NTM: variants seen among roughly 807,000 people sequenced by gnomAD.
NTM encodes IgLON family member 2.
NTM carries 13 observed loss-of-function variants against 42.1 expected under a neutral mutation model. That is an observed-to-expected ratio of 0.31 (90% CI 0.20 to 0.49). The LOEUF (loss-of-function observed/expected upper bound fraction) is 0.49. Among genes scored for constraint, NTM ranks in the 20% least tolerant of loss-of-function variants. The pLI is 0.99. For missense variants in NTM, 373 were observed against 452.8 expected, an observed-to-expected ratio of 0.82 and a Z score of 1.60; for synonymous variants, 187 against 179.2, an observed-to-expected ratio of 1.04 and a Z score of -0.35.
At chr11:131,495,218 AG>A (rs1955212106) in intron 1 of NTM, among the ~76,000 whole-genome samples, 1 of 152,168 alleles carries the variant, frequency 6.6e-6, no homozygotes, top group African/African-American at 2.4e-5. Context: ...GCATGGTCCC[AG>A]GGGACAGCCA....
At chr11:131,793,715 A>G (rs2091229736) in intron 1 of NTM, among the ~76,000 whole-genome samples, 3 of 151,986 alleles carry the variant, frequency 2.0e-5, no homozygotes, top group Admixed American at 2.0e-4. Flanking sequence ...CCACCCTATT[A>G]TTTTCAAAAA....
intron 1 of NTM, among the ~76,000 whole-genome samples, chr11:131,742,186 C>T (rs1005349064): frequency 9.9e-5 from 15 of 152,092 alleles, no homozygotes; most frequent in African/African-American, 3.1e-4. Flanking sequence ...ACAAGTTTAC[C>T]TATGTAACAG....
Position 132,247,133 on chromosome 11 carries a change from C to G in NTM, c.526+34986C>G, listed in dbSNP as rs559043806. ...AGTGTGGCCCCTCCTCCTGGGCTCC[C>G]CATGAACTTGACATGCACACATCTC... is the stretch of plus-strand genomic sequence containing the variant. On this transcript the variant is annotated intron_variant, in intron 4 of 8. Transcript: ENST00000683400. Among the ~76,000 whole-genome samples the G allele has an allele frequency of 3.9e-5, 6 of 152,320 alleles. No individual in the cohort carries two copies. The East Asian group carries it at 1.2e-3, about 30-fold the overall frequency.
intron 2 of NTM, among the ~76,000 whole-genome samples, chr11:131,923,439 A>G (rs2057505729): frequency 6.6e-6 from 1 of 152,130 alleles, no homozygotes; most frequent in Admixed American, 6.5e-5. Flanking sequence ...TTGGCATGGG[A>G]TTGGGTGTTA....
At chr11:132,271,802 C>CA (rs2093493791) in intron 4 of NTM, among the ~76,000 whole-genome samples, 5 of 149,988 alleles carry the variant, frequency 3.3e-5, no homozygotes, top group African/African-American at 1.2e-4. Flanking sequence ...AATTCCTAAT[C>CA]AGATATATGA....
intron 2 of NTM, among the ~76,000 whole-genome samples, chr11:131,991,310 T>C (rs1179911333): frequency 6.6e-6 from 1 of 152,210 alleles, no homozygotes; most frequent in Non-Finnish European, 1.5e-5. Flanking sequence ...AGTTCCACAA[T>C]AAGAGAGTCT....
At chr11:131,709,668 C>T (rs888066876) in intron 1 of NTM, among the ~76,000 whole-genome samples, 7 of 152,274 alleles carry the variant, frequency 4.6e-5, no homozygotes, top group South Asian at 2.1e-4. Context: ...GTTGACTAGA[C>T]AGTTGCAGCT....
chr11:131,757,263 A>C (rs1336223645), intron 1 of NTM, among the ~76,000 whole-genome samples: 1 of 152,186 alleles, frequency 6.6e-6, no homozygotes, highest in Non-Finnish European at 1.5e-5. Context: ...CTTAGGCCTG[A>C]TGGAGATGTC....
At chr11:132,172,272 T>C (rs1307659321) in intron 3 of NTM, among the ~76,000 whole-genome samples, 1 of 152,198 alleles carries the variant, frequency 6.6e-6, no homozygotes, top group Admixed American at 6.5e-5. Flanking sequence ...AATTGACAGA[T>C]CTCATACAGA....
intron 1 of NTM, among the ~76,000 whole-genome samples, chr11:131,592,172 G>A (rs2059420507): frequency 6.6e-6 from 1 of 152,176 alleles, no homozygotes; most frequent in African/African-American, 2.4e-5. Context: ...AAGGATCAGA[G>A]GAACAGCTCT....
chr11:132,276,188 T>C (rs1405072247), intron 4 of NTM, among the ~76,000 whole-genome samples: 1 of 152,164 alleles, frequency 6.6e-6, no homozygotes, highest in African/African-American at 2.4e-5. Context: ...TATTTTTGTG[T>C]GGCTGAATAG....
chr11:132,014,736 GTTTT>G (rs146527050), intron 2 of NTM, among the ~76,000 whole-genome samples: 17 of 84,016 alleles, frequency 2.0e-4, no homozygotes, highest in Admixed American at 7.2e-4. Context: ...AGAATTACTT[GTTTT>G]TTTTTTTTTT....
At chr11:132,088,162 C>T (rs532143478) in intron 2 of NTM, among the ~76,000 whole-genome samples, 50 of 152,284 alleles carry the variant, frequency 3.3e-4, no homozygotes, top group African/African-American at 1.2e-3. Flanking sequence ...AATGCTGTTA[C>T]AGTACCAATA....
At chr11:132,079,256 CTT>C (rs1349602381) in intron 2 of NTM, among the ~76,000 whole-genome samples, 1 of 152,186 alleles carries the variant, frequency 6.6e-6, no homozygotes, top group Non-Finnish European at 1.5e-5. Context: ...TTTCTACACT[CTT>C]TGTATGCAAC....
rs535778011 is a variant in NTM at position 132,259,489 on chromosome 11, G to A, written c.526+47342G>A. 1.2e-4 allele frequency among the ~76,000 whole-genome samples: 19 copies of A among 152,048 alleles called. No homozygotes were observed. In the East Asian group the frequency reaches 3.6e-3, roughly 28 times the overall value. On this transcript the variant is annotated intron_variant, in intron 4 of 8. Coordinates refer to ENST00000683400, the MANE Select transcript of NTM (RefSeq NM_001352005.2). ...AAGGTCAGGAGTTTGAGACCAGCCCGACCAACATGGTGAAACACCATCTCT... is the reference window on the plus strand; with the variant it reads ...AAGGTCAGGAGTTTGAGACCAGCCCAACCAACATGGTGAAACACCATCTCT...
At chr11:131,523,123 G>C (rs1319094317) in intron 1 of NTM, among the ~76,000 whole-genome samples, 1 of 152,130 alleles carries the variant, frequency 6.6e-6, no homozygotes, top group East Asian at 1.9e-4. Flanking sequence ...CCCTTTTTCT[G>C]GATTGGCCAT....
intron 2 of NTM, among the ~76,000 whole-genome samples, chr11:132,000,079 G>A (rs939006175): frequency 6.6e-6 from 1 of 151,892 alleles, no homozygotes. Flanking sequence ...GAGTTATATC[G>A]GTACATTCAG....
At chr11:131,875,590 G>A (rs1254594528) in intron 1 of NTM, among the ~76,000 whole-genome samples, 1 of 152,226 alleles carries the variant, frequency 6.6e-6, no homozygotes, top group African/African-American at 2.4e-5. Flanking sequence ...AATCAGAGAC[G>A]CCTTTTGTAG....
chr11:131,563,579 C>T (rs1374043245), intron 1 of NTM, among the ~76,000 whole-genome samples: 15 of 88,770 alleles, frequency 1.7e-4, no homozygotes, highest in Admixed American at 6.3e-4. Context: ...GCTCCAGACA[C>T]TTTTTTTTTT....
Sources: gnomAD v4.1 joint callset for allele counts (sites outside exome capture counted in the v4.1 genomes callset) on GRCh38, gnomAD v4.1.1 for gene constraint, MANE v1.5 for transcripts, NCBI Gene and HGNC (gene_info 2026-07-23, HGNC 2026-07-21) for gene names.